DCX: variants seen among roughly 807,000 people sequenced by gnomAD.
The protein encoded by DCX is neuronal migration protein doublecortin.
A neutral mutation model predicts 20.9 loss-of-function variants in DCX; 4 were observed. The ratio of observed to expected loss-of-function variants is 0.19; its 90% CI spans 0.09 to 0.44. The LOEUF is 0.44. Among genes scored for constraint, DCX ranks in the 20% least tolerant of loss-of-function variants. The pLI is 0.99. For missense variants in DCX, 133 were observed against 296.9 expected (o/e 0.45, Z 4.06); for synonymous variants, 103 against 111.4 (o/e 0.92, Z 0.47).
In DCX at chrX:111,383,210, A is replaced by T. The variant is rs1376017390; in HGVS notation, c.705+17780T>A. ...TTCTTCCAGACATGATTATGCCCCA[A>T]ACAGATGATGTAGGCTAGAAATATG... On this transcript the variant is annotated intron_variant, in intron 3 of 6. Coordinates refer to ENST00000636035, the MANE Select transcript of DCX (RefSeq NM_001195553.2). Among the ~76,000 whole-genome samples the T allele has an allele frequency of 3.6e-5, 4 of 111,477 alleles. No individual in the cohort carries two copies. In the East Asian group the frequency reaches 1.1e-3, roughly 32 times the overall value.
chrX:111,358,350 T>C (rs541141110), intron 3 of DCX, among the ~76,000 whole-genome samples: 4 of 111,748 alleles, frequency 3.6e-5, no homozygotes, highest in Middle Eastern at 9.3e-3. Flanking sequence ...ATGAAGTTTA[T>C]ATAGGGAAAG....
chrX:111,340,606 C>T (rs1922137778), intron 3 of DCX, among the ~76,000 whole-genome samples: 1 of 111,447 alleles, frequency 9.0e-6, no homozygotes, highest in Non-Finnish European at 1.9e-5. Context: ...CAAACTCATA[C>T]AGGAGTGATC....
chrX:111,328,311 T>C (rs1017639092), intron 5 of DCX, among the ~76,000 whole-genome samples: 1 of 111,825 alleles, frequency 8.9e-6, no homozygotes, highest in African/African-American at 3.2e-5. Context: ...ATTTGACAAA[T>C]ATTCATTGAG....
intron 2 of DCX, among the ~76,000 whole-genome samples, chrX:111,404,906 G>A (rs983864417): frequency 2.7e-5 from 3 of 112,237 alleles, no homozygotes; most frequent in Non-Finnish European, 5.6e-5. Flanking sequence ...AGCTGGATGA[G>A]GTGTGTCGCA....
chrX:111,379,043 A>G (rs1925759958), intron 3 of DCX, among the ~76,000 whole-genome samples: 1 of 111,839 alleles, frequency 8.9e-6, no homozygotes, highest in Non-Finnish European at 1.9e-5. Flanking sequence ...TGTCTCCAGA[A>G]CTGTGACAAA....
chrX:111,387,154 C>A lies in DCX; in HGVS notation c.705+13836G>T, dbSNP rs150371184. Among the ~76,000 whole-genome samples, 797 of 111,886 alleles carry A rather than the reference C, an allele frequency of 7.1e-3. 1 individual carries two copies. Among genetic ancestry groups the A allele is most frequent in the African/African-American group, 0.024 (731 of 30,819 alleles). ...ATCAGATAGCTCTGTATATCCAGGG[C>A]TGATTATCTGTTAAGTATGGTAGGC... On this transcript the variant is annotated intron_variant, in intron 3 of 6. Coordinates refer to ENST00000636035, the MANE Select transcript of DCX (RefSeq NM_001195553.2).
intron 5 of DCX, among the ~76,000 whole-genome samples, chrX:111,317,611 C>T (rs772064980): frequency 7.2e-5 from 8 of 110,991 alleles, no homozygotes; most frequent in Middle Eastern, 4.7e-3. Context: ...AAACTATCAA[C>T]AGAGTGAGCA....
chrX:111,303,147 G>A (rs1266250766), intron 6 of DCX, among the ~76,000 whole-genome samples: 1 of 107,613 alleles, frequency 9.3e-6, no homozygotes, highest in East Asian at 2.9e-4. Flanking sequence ...GAGTGCAGTG[G>A]TGTGATCTCC....
chrX:111,346,791 A>G (rs1922861352), intron 3 of DCX, among the ~76,000 whole-genome samples: 4 of 112,262 alleles, frequency 3.6e-5, no homozygotes, highest in Non-Finnish European at 7.5e-5. Flanking sequence ...TGAATTATAC[A>G]CTTTAAATGG....
intron 6 of DCX, among the ~76,000 whole-genome samples, chrX:111,308,547 G>A (rs779999004): frequency 6.3e-5 from 7 of 110,410 alleles, no homozygotes; most frequent in African/African-American, 1.3e-4. Flanking sequence ...CAGTCCTTTC[G>A]TTAGCTCTTG....
chrX:111,396,947 C>A (rs1057247137), intron 3 of DCX, among the ~76,000 whole-genome samples: 1 of 111,227 alleles, frequency 9.0e-6, no homozygotes, highest in Non-Finnish European at 1.9e-5. Context: ...TCTACACAGA[C>A]CCCAAATATC....
intron 3 of DCX, among the ~76,000 whole-genome samples, chrX:111,362,757 G>C (rs1022977439): frequency 8.1e-5 from 9 of 110,652 alleles, no homozygotes; most frequent in African/African-American, 3.0e-4. Flanking sequence ...GAGATTCCCT[G>C]TCTCTCACAA....
At chrX:111,355,141 C>T (rs1160848034) in intron 3 of DCX, among the ~76,000 whole-genome samples, 3 of 112,321 alleles carry the variant, frequency 2.7e-5, no homozygotes, top group African/African-American at 6.5e-5. Context: ...GGCTAGCCTT[C>T]TAAAAAGTTC....
At chrX:111,332,782 A>G (rs1921373335) in intron 4 of DCX, among the ~76,000 whole-genome samples, 1 of 112,029 alleles carries the variant, frequency 8.9e-6, no homozygotes, top group Admixed American at 9.4e-5. Flanking sequence ...CCCATGTGAC[A>G]CAATATATGG....
intron 3 of DCX, among the ~76,000 whole-genome samples, chrX:111,372,731 A>G (rs1444887072): frequency 2.7e-5 from 3 of 111,745 alleles, no homozygotes; most frequent in Non-Finnish European, 5.6e-5. Flanking sequence ...AAGCATGGTG[A>G]CAGCTGAAAA....
At chrX:111,333,751 C>T (rs776859541) in intron 3 of DCX, among the ~76,000 whole-genome samples, 2 of 111,960 alleles carry the variant, frequency 1.8e-5, no homozygotes, top group African/African-American at 6.5e-5. Context: ...TCATCATGAG[C>T]AATGGGTCCC....
At chrX:111,353,779 C>T (rs1923513179) in intron 3 of DCX, among the ~76,000 whole-genome samples, 1 of 111,615 alleles carries the variant, frequency 9.0e-6, no homozygotes. Flanking sequence ...CAGAGAAGAA[C>T]ATGGCATGCC....
chrX:111,338,574 A>G (rs1921936932), intron 3 of DCX, among the ~76,000 whole-genome samples: 1 of 105,692 alleles, frequency 9.5e-6, no homozygotes, highest in Non-Finnish European at 1.9e-5. Flanking sequence ...TTCGGAAACA[A>G]TCCTGACTTT....
chrX:111,386,536 T>C (rs1265133040), intron 3 of DCX, among the ~76,000 whole-genome samples: 1 of 111,377 alleles, frequency 9.0e-6, no homozygotes, highest in African/African-American at 3.3e-5. Flanking sequence ...GGTAAACCGT[T>C]AGGAAACAGA....
Sources: gnomAD v4.1 joint callset for allele counts (sites outside exome capture counted in the v4.1 genomes callset) on GRCh38, gnomAD v4.1.1 for gene constraint, MANE v1.5 for transcripts, NCBI Gene and HGNC (gene_info 2026-07-23, HGNC 2026-07-21) for gene names.